SLC30A7: variants seen among roughly 807,000 people sequenced by gnomAD.
SLC30A7 encodes the protein solute carrier family 30 member 7.
SLC30A7 carries 35 observed loss-of-function variants against 46.0 expected under a neutral mutation model. The ratio of observed to expected loss-of-function variants is 0.76; its 90% CI spans 0.58 to 1.01. The LOEUF is 1.01. SLC30A7 is among the 50% of genes least tolerant of loss of function. SLC30A7 has a pLI of 0.00. For missense variants in SLC30A7, 464 were observed against 451.1 expected, an observed-to-expected ratio of 1.03 and a Z score of -0.26; for synonymous variants, 147 against 157.8, an observed-to-expected ratio of 0.93 and a Z score of 0.51.
At chr1:100,930,016 C>T (rs1048496652) in intron 8 of SLC30A7, among the ~76,000 whole-genome samples, 1 of 151,882 alleles carries the variant, frequency 6.6e-6, no homozygotes, top group Non-Finnish European at 1.5e-5. Context: ...AGGCAATTTA[C>T]ATAGATCTGT....
chr1:100,974,956 A>G lies in SLC30A7; in HGVS notation c.*99A>G. ...AGCTTTTTAAAAGAGAGAAATTATC[A>G]CTACAACTCCCGAGCACTAAGTAGA... On this transcript the variant is annotated 3_prime_UTR_variant, in exon 11 of 11. Coordinates refer to ENST00000357650, the MANE Select transcript of SLC30A7 (RefSeq NM_133496.5). 2 of 997,124 alleles carry G rather than the reference A, an allele frequency of 2.0e-6. No individual in the cohort carries two copies. Among genetic ancestry groups the G allele is most frequent in the South Asian group, 1.7e-5 (1 of 57,152 alleles). The allele number at this position is 997,124 out of a possible 1,614,324, so 61.8% of individuals were successfully genotyped here. A position where few individuals can be genotyped will look rare whatever the true frequency, so the allele number is the denominator to read the frequency against.
chr1:100,965,949 G>A (rs760159960), intron 10 of SLC30A7, 31 bp downstream of exon 10: 1 of 1,566,088 alleles, frequency 6.4e-7, no homozygotes, highest in African/African-American at 1.4e-5. Context: ...TCTTTTAAGG[G>A]CCTTAACATT....
At chr1:100,911,452 T>C (rs924331249) in intron 4 of SLC30A7, among the ~76,000 whole-genome samples, 3 of 152,172 alleles carry the variant, frequency 2.0e-5, no homozygotes, top group Non-Finnish European at 4.4e-5. Flanking sequence ...CTAAAGAAAT[T>C]AGAACCAGTC....
intron 8 of SLC30A7, among the ~76,000 whole-genome samples, chr1:100,924,168 A>C (rs906370590): frequency 6.6e-6 from 1 of 152,220 alleles, no homozygotes; most frequent in Non-Finnish European, 1.5e-5. Context: ...GTATTTAAAT[A>C]TTTTAATGAC....
At position 100,911,156 on chromosome 1, in the gene SLC30A7, G is replaced by A; in HGVS notation, c.384+6G>A. 6.4e-7 allele frequency: 1 copy of A among 1,560,768 alleles called. No individual in the cohort carries two copies. The highest frequency in any genetic ancestry group is 8.8e-7 in the Non-Finnish European group (1 of 1,138,716). On this transcript the variant is annotated splice_donor_region_variant and intron_variant, in intron 4 of 10. Transcript: ENST00000357650. The stretch of plus-strand genomic sequence containing the variant: ...TTTTCTCAGAAGGAGTTGAGGTATA[G>A]TAGATAATTATTAAAGTCAGTAAAT...
At position 100,906,966 on chromosome 1, in the gene SLC30A7, G is replaced by C; in HGVS notation, c.296+1G>C. The C allele has an allele frequency of 6.3e-7, 1 of 1,586,912 alleles. No homozygotes were observed. Among genetic ancestry groups the C allele is most frequent in the Non-Finnish European group, 8.6e-7 (1 of 1,159,262 alleles). On this transcript the variant is annotated splice_donor_variant, in intron 3 of 10. Transcript: ENST00000357650. LOFTEE classifies it high-confidence loss of function. ...GAGATAATGATGCTTTCTCCTATGG[G>C]TAAGACTTTAAGAAAAAAAATCTTT...
In SLC30A7 at chr1:100,980,998, T is replaced by G. The variant is rs914690724; in HGVS notation, c.*6141T>G. On this transcript the variant is annotated 3_prime_UTR_variant, in exon 11 of 11. Coordinates refer to ENST00000357650, the MANE Select transcript of SLC30A7 (RefSeq NM_133496.5). Reference sequence around the variant, plus strand: ...ACTGATTTAAATATTCCCAGAATTATTTTTTACCTTTCTCTTTTTCCTCTC... The same window carrying G: ...ACTGATTTAAATATTCCCAGAATTAGTTTTTACCTTTCTCTTTTTCCTCTC... 5 of 152,100 alleles carry G rather than the reference T, an allele frequency of 3.3e-5. No homozygotes were observed. The highest frequency in any genetic ancestry group is 2.4e-5 in the African/African-American group (1 of 41,444). The allele number at this position is 152,100 out of a possible 1,614,324, so 9.4% of individuals were successfully genotyped here.
At chr1:100,921,907 T>C in intron 8 of SLC30A7, 66 bp downstream of exon 8, 2 of 1,393,808 alleles carry the variant, frequency 1.4e-6, no homozygotes, top group Admixed American at 2.0e-5. Flanking sequence ...ACTTAAATTA[T>C]AGGTCTAAAA....
At chr1:100,908,011 C>T (rs1056008339) in intron 3 of SLC30A7, among the ~76,000 whole-genome samples, 3 of 151,388 alleles carry the variant, frequency 2.0e-5, no homozygotes, top group South Asian at 2.1e-4. Context: ...ATCTCTCCTC[C>T]TCCTCTTCTC....
At chr1:100,902,822 T>G (rs1174196423) in intron 2 of SLC30A7, among the ~76,000 whole-genome samples, 1 of 152,192 alleles carries the variant, frequency 6.6e-6, no homozygotes, top group Non-Finnish European at 1.5e-5. Flanking sequence ...TAATTATATC[T>G]GCAATGAGTC....
chr1:100,934,241 G>A (rs994404465), intron 8 of SLC30A7, among the ~76,000 whole-genome samples: 12 of 152,146 alleles, frequency 7.9e-5, no homozygotes, highest in African/African-American at 2.9e-4. Context: ...ACCACTTCAT[G>A]GAGTGTTTAC....
At position 100,947,741 on chromosome 1, in the gene SLC30A7, C is replaced by T. The variant is rs138397079; in HGVS notation, c.843-14087C>T. Among the ~76,000 whole-genome samples the T allele has an allele frequency of 2.7e-4, 41 of 152,160 alleles. 1 individual carries two copies. Among genetic ancestry groups the T allele is most frequent in the African/African-American group, 9.9e-4 (41 of 41,508 alleles). Reference sequence around the variant, plus strand: ...GAATCTGGGTGCTCCTCTGTTGGGTCCATATATATTTAGGATAGTTAGCTC... The same window carrying T: ...GAATCTGGGTGCTCCTCTGTTGGGTTCATATATATTTAGGATAGTTAGCTC... On this transcript the variant is annotated intron_variant, in intron 8 of 10. Transcript: ENST00000357650.
intron 3 of SLC30A7, among the ~76,000 whole-genome samples, chr1:100,910,384 G>C (rs1652006794): frequency 6.6e-6 from 1 of 152,024 alleles, no homozygotes; most frequent in Admixed American, 6.5e-5. Context: ...GAAGCAGAAA[G>C]CTTCAGAACT....
intron 8 of SLC30A7, among the ~76,000 whole-genome samples, chr1:100,923,007 T>TAATAAAGTATGATGAAATCATAA (rs1557985925): frequency 2.3e-5 from 2 of 86,880 alleles, no homozygotes; most frequent in African/African-American, 5.0e-5. Context: ...AGAATAGATT[T>TAATAAAGTATGATGAAATCATAA]TTTTTTTTTT....
rs192057699 is a variant in SLC30A7 at position 100,921,154 on chromosome 1, C to T, written c.707-552C>T. Among the ~76,000 whole-genome samples, 14 of 152,138 alleles carry T rather than the reference C, an allele frequency of 9.2e-5. 1 individual carries two copies. The South Asian group carries it at 1.2e-3, about 14-fold the overall frequency. Reference sequence around the variant, plus strand: ...ATATTCAAATCAGTGCCTGCTTTCACGTCACCTCTGAGTGTAGTATGTAAC... The same window carrying T: ...ATATTCAAATCAGTGCCTGCTTTCATGTCACCTCTGAGTGTAGTATGTAAC... On this transcript the variant is annotated intron_variant, in intron 7 of 10. Coordinates refer to ENST00000357650, the MANE Select transcript of SLC30A7 (RefSeq NM_133496.5).
At chr1:100,966,021 A>G (rs1179508999) in intron 10 of SLC30A7, 103 bp downstream of exon 10, 5 of 1,013,034 alleles carry the variant, frequency 4.9e-6, no homozygotes, top group Non-Finnish European at 7.2e-6. Flanking sequence ...GCTTGAGGCT[A>G]GGATTTCTAG....
At chr1:100,906,498 G>A (rs953065894) in intron 2 of SLC30A7, among the ~76,000 whole-genome samples, 1 of 152,120 alleles carries the variant, frequency 6.6e-6, no homozygotes, top group African/African-American at 2.4e-5. Context: ...GGTGCAAGCA[G>A]GTATCAGCCT....
chr1:100,948,003 G>C (rs981009704), intron 8 of SLC30A7, among the ~76,000 whole-genome samples: 1 of 151,146 alleles, frequency 6.6e-6, no homozygotes, highest in African/African-American at 2.4e-5. Flanking sequence ...TCTTTATCCA[G>C]TTTGCCAGTC....
intron 8 of SLC30A7, among the ~76,000 whole-genome samples, chr1:100,944,433 G>T (rs1188168390): frequency 6.6e-6 from 1 of 152,056 alleles, no homozygotes; most frequent in Non-Finnish European, 1.5e-5. Context: ...AGCATATTGA[G>T]ATTTTTTAAC....
Sources: gnomAD v4.1 joint callset for allele counts (sites outside exome capture counted in the v4.1 genomes callset) on GRCh38, gnomAD v4.1.1 for gene constraint, MANE v1.5 for transcripts, NCBI Gene and HGNC (gene_info 2026-07-23, HGNC 2026-07-21) for gene names.